Variants in YBX1 observed in about 807,000 individuals in gnomAD.
YBX1 encodes the protein Y-box binding protein 1, also known as Y-box-binding protein 1.
Under a neutral mutation model 41.4 loss-of-function variants are expected in YBX1, and 3 were observed. The ratio of observed to expected loss-of-function variants is 0.07; its 90% CI spans 0.03 to 0.19. YBX1 has a LOEUF of 0.19. YBX1 is among the 10% of genes least tolerant of loss of function. YBX1 has a pLI of 1.00. For synonymous variants in YBX1, 133 were observed against 165.8 expected (o/e 0.80, Z 1.52); for missense variants, 274 against 462.8 (o/e 0.59, Z 3.74).
Position 42,693,260 on chromosome 1 carries a change from T to C in YBX1, c.231-230T>C, listed in dbSNP as rs921714297. ...AATTATGGCTCAGTAGGTCACACTT[T>C]AATTTCTTAGACTTTTTTTTTTTTT... On this transcript the variant is annotated intron_variant, in intron 2 of 7. Coordinates refer to ENST00000321358, the MANE Select transcript of YBX1 (RefSeq NM_004559.5). 1.3e-4 allele frequency among the ~76,000 whole-genome samples: 19 copies of C among 146,898 alleles called. 1 individual carries two copies. The highest frequency in any genetic ancestry group is 1.3e-4 in the Non-Finnish European group (9 of 66,832).
At chr1:42,699,930 T>G (rs1402584145) in intron 6 of YBX1, among the ~76,000 whole-genome samples, 1 of 152,156 alleles carries the variant, frequency 6.6e-6, no homozygotes, top group Non-Finnish European at 1.5e-5. Context: ...GCCCAGGTTA[T>G]TAGAAGCTGT....
At position 42,696,845 on chromosome 1, in the gene YBX1, G is replaced by T; in HGVS notation, c.558G>T (p.Arg186=). ...CCGAAGGCCAGGCCCAACAACGCCG[G>T]CCCTACCGCAGGCGAAGGTTCCCAC... ...SAPEGQAQQR[R]PYRRRRFPPY... The change falls in exon 5 of 8, where the codon CGG becomes CGT. Residue 186 remains arginine, a synonymous_variant. Transcript: ENST00000321358. This position sits in a 1 kb window ranked among gnomAD's most constrained non-coding sequence, Gnocchi z 5.7. The T allele has an allele frequency of 6.2e-7, 1 of 1,611,808 alleles. No homozygotes were observed. The highest frequency in any genetic ancestry group is 8.5e-7 in the Non-Finnish European group (1 of 1,178,650).
At chr1:42,686,371 A>G (rs112484948) in intron 2 of YBX1, among the ~76,000 whole-genome samples, 183 of 152,348 alleles carry the variant, frequency 1.2e-3, no homozygotes, top group Non-Finnish European at 2.2e-3. Flanking sequence ...GATAACACCA[A>G]GTAATCCAGA....
Position 42,682,751 on chromosome 1 carries a change from G to T in YBX1, c.166+20G>T. 1.7e-6 allele frequency: 2 copies of T among 1,205,814 alleles called. No homozygotes were observed. Among genetic ancestry groups the T allele is most frequent in the Non-Finnish European group, 2.1e-6 (2 of 971,154 alleles). The allele number at this position is 1,205,814 out of a possible 1,614,324, so 74.7% of individuals were successfully genotyped here. ...TCATCGGTGAGGACCGGACAGGGAC[G>T]GGGGTGGGGCCCTCGGGCAGCCCAG... On this transcript the variant is annotated intron_variant, in intron 1 of 7. Coordinates refer to ENST00000321358, the MANE Select transcript of YBX1 (RefSeq NM_004559.5).
Position 42,696,260 on chromosome 1 carries a change from T to C in YBX1, c.326T>C (p.Val109Ala). 6.2e-7 allele frequency: 1 copy of C among 1,613,248 alleles called. No homozygotes were observed. The change falls in exon 4 of 8, where the codon GTG becomes GCG. Residue 109 changes from valine (V) to alanine (A), a missense_variant. Transcript: ENST00000321358. The surrounding 1 kb of genome is among the most constrained non-coding windows in gnomAD (Gnocchi z 5.7). ...CGCAGTGTAGGAGATGGAGAGACTG[T>C]GGAGTTTGATGTTGTTGAAGGAGAA... ...YLRSVGDGET[V>A]EFDVVEGEKG...
intron 1 of YBX1, 64 bp downstream of exon 1, chr1:42,682,795 G>C: frequency 9.0e-7 from 1 of 1,112,844 alleles, no homozygotes; most frequent in South Asian, 4.6e-5. Flanking sequence ...CCGTTAGCCG[G>C]AGCTGGGCGA....
chr1:42,700,801 A>G lies in YBX1; in HGVS notation c.761A>G (p.Gln254Arg). The G allele has an allele frequency of 6.2e-7, 1 of 1,611,796 alleles. No individual in the cohort carries two copies. Residue 254 changes from glutamine to arginine, a missense_variant, in exon 7 of 8, where the codon CAG becomes CGG. Transcript: ENST00000321358. ...RFRRGPPRQR[Q>R]PREDGNEEDK... ...TGCAGGGGCCCTCCTCGCCAAAGAC[A>G]GCCTAGAGAGGACGGCAATGAAGAA...
chr1:42,693,764 G>A (rs1650396075), intron 3 of YBX1, among the ~76,000 whole-genome samples: 1 of 152,180 alleles, frequency 6.6e-6, no homozygotes, highest in African/African-American at 2.4e-5. Flanking sequence ...CAAATGTTGA[G>A]TCAAACTCAC....
chr1:42,700,892 C>G lies in YBX1; in HGVS notation c.852C>G (p.Asn284Lys). ...QQPPQRRYRR[N>K]FNYRRRRPEN... ...CACCTCAACGTCGGTACCGCCGCAACTTCAATTACCGACGCAGACGCCCAG... is the reference window on the plus strand; with the variant it reads ...CACCTCAACGTCGGTACCGCCGCAAGTTCAATTACCGACGCAGACGCCCAG... The change falls in exon 7 of 8, where the codon AAC becomes AAG. Residue 284 changes from asparagine to lysine, a missense_variant. By Grantham distance (94) the Asn-to-Lys change is moderately conservative. Transcript: ENST00000321358. The G allele has an allele frequency of 6.2e-7, 1 of 1,614,086 alleles. No individual in the cohort carries two copies. Among genetic ancestry groups the G allele is most frequent in the Non-Finnish European group, 8.5e-7 (1 of 1,179,996 alleles).
chr1:42,700,608 A>ACCC (rs1176640688), intron 6 of YBX1, among the ~76,000 whole-genome samples, 173 bp from the exon 7 acceptor site: 5 of 57,750 alleles, frequency 8.7e-5, no homozygotes, highest in African/African-American at 2.3e-4. Context: ...CCTACTCAGC[A>ACCC]TCCCCCCCCC....
intron 6 of YBX1, 56 bp from the exon 7 acceptor site, chr1:42,700,725 G>A (rs748974719): frequency 4.0e-6 from 6 of 1,489,576 alleles, no homozygotes; most frequent in Non-Finnish European, 4.6e-6. Context: ...TACACTGGTG[G>A]GTGTGTTGAA....
intron 1 of YBX1, 175 bp downstream of exon 1, chr1:42,682,906 G>A: frequency 4.6e-6 from 1 of 215,818 alleles, no homozygotes; most frequent in Non-Finnish European, 8.4e-6. Flanking sequence ...CGCCCGGCAG[G>A]CGCGCGCGCA....
At chr1:42,682,772 C>G (rs2148733538) in intron 1 of YBX1, 41 bp downstream of exon 1, 2 of 1,172,954 alleles carry the variant, frequency 1.7e-6, no homozygotes, top group East Asian at 7.1e-5. Context: ...CCTCGGGCAG[C>G]CCAGCAGCGG....
chr1:42,701,880 A>C (rs533963608), intron 7 of YBX1, 101 bp from the exon 8 acceptor site: 44 of 152,726 alleles, frequency 2.9e-4, no homozygotes, highest in African/African-American at 9.6e-4. Flanking sequence ...GAGATCTGTT[A>C]ATGTCTCCCA....
chr1:42,700,983 G>A lies in YBX1; in HGVS notation c.943G>A (p.Ala315Thr), dbSNP rs367688866. ...AADPPAENSS[A>T]PEAEQGGAE is the part of the protein sequence containing the mutation. ...CGATCCACCAGCTGAGAATTCGTCCGCTCCCGAGGCTGAGCAGGGCGGGGC... is the reference window on the plus strand; with the variant it reads ...CGATCCACCAGCTGAGAATTCGTCCACTCCCGAGGCTGAGCAGGGCGGGGC... The change falls in exon 7 of 8, where the codon GCT becomes ACT. Residue 315 changes from alanine (A) to threonine (T), a missense_variant. Around this residue, in one of 3 missense-constraint regions of YBX1, gnomAD observed 187 missense variants for 306.3 expected, o/e 0.61. Coordinates refer to ENST00000321358, the MANE Select transcript of YBX1 (RefSeq NM_004559.5). The A allele has an allele frequency of 5.0e-6, 8 of 1,614,012 alleles. No individual in the cohort carries two copies. The highest frequency in any genetic ancestry group is 1.7e-5 in the Admixed American group (1 of 60,000).
intron 6 of YBX1, among the ~76,000 whole-genome samples, chr1:42,699,646 A>T (rs2148742464): frequency 6.6e-6 from 1 of 151,948 alleles, no homozygotes; most frequent in Non-Finnish European, 1.5e-5. Context: ...TGTTTTGTAG[A>T]AATGGAGTTG....
At chr1:42,686,487 C>G (rs1488376595) in intron 2 of YBX1, among the ~76,000 whole-genome samples, 1 of 152,124 alleles carries the variant, frequency 6.6e-6, no homozygotes, top group Non-Finnish European at 1.5e-5. Context: ...GTGGGGTATA[C>G]TTTTTTTACG....
chr1:42,702,281 G>A lies in YBX1; in HGVS notation c.*332G>A, dbSNP rs1650621993. On this transcript the variant is annotated 3_prime_UTR_variant, in exon 8 of 8. Coordinates refer to ENST00000321358, the MANE Select transcript of YBX1 (RefSeq NM_004559.5). ...ACTTCATTTTTAATTTGTAATAAAAGTTTACAACTTGATTTTTTCAAAAAA... is the reference window on the plus strand; with the variant it reads ...ACTTCATTTTTAATTTGTAATAAAAATTTACAACTTGATTTTTTCAAAAAA... 3 of 152,562 alleles carry A rather than the reference G, an allele frequency of 2.0e-5. No homozygotes were observed. In the South Asian group the frequency reaches 6.2e-4, roughly 32 times the overall value. 9.5% of individuals were successfully genotyped at this position (152,562 alleles called of 1,614,324 possible). A position where few individuals can be genotyped will look rare whatever the true frequency, so the allele number is the denominator to read the frequency against.
intron 2 of YBX1, among the ~76,000 whole-genome samples, chr1:42,684,052 G>A (rs190003269): frequency 1.2e-4 from 18 of 152,304 alleles, no homozygotes; most frequent in Non-Finnish European, 2.4e-4. Context: ...TTACAAGAAA[G>A]TGGTTTTTTT....
Sources: allele counts gnomAD v4.1 joint callset (sites outside exome capture counted in the v4.1 genomes callset), GRCh38; gene constraint gnomAD v4.1.1; regional missense constraint gnomAD v4.1.1; non-coding constraint Gnocchi (gnomAD v3.1); transcripts MANE v1.5; gene names NCBI Gene and HGNC (gene_info 2026-07-23, HGNC 2026-07-21).